Variants in PRELID2 observed in about 807,000 individuals in gnomAD.
PRELID2 encodes the protein PRELI domain containing 2.
In PRELID2, 25 loss-of-function variants were observed where a neutral mutation model predicts 28.4. That is an observed-to-expected ratio of 0.88 (90% CI 0.64 to 1.23). PRELID2 has a LOEUF of 1.23. Ranked by LOEUF, PRELID2 falls within the 50% of genes most tolerant of loss-of-function variation. The pLI is 0.00. For missense variants in PRELID2, 201 were observed against 214.4 expected (o/e 0.94, Z 0.39); for synonymous variants, 76 against 71.6 (o/e 1.06, Z -0.31).
the PRELID2 span, among the ~76,000 whole-genome samples, chr5:145,253,696 G>A: frequency 3.6e-4 from 54 of 151,892 alleles, no homozygotes; most frequent in Non-Finnish European, 1.5e-5. Context: ...CTGTTAGAGA[G>A]GTAGGCATAT....
chr5:145,293,503 A>C, the PRELID2 span, among the ~76,000 whole-genome samples: 1 of 152,182 alleles, frequency 6.6e-6, no homozygotes, highest in Non-Finnish European at 1.5e-5. Flanking sequence ...AGCTAATATA[A>C]GGCAGAATAG....
chr5:145,409,312 G>GA, the PRELID2 span, among the ~76,000 whole-genome samples: 11 of 151,748 alleles, frequency 7.2e-5, no homozygotes, highest in East Asian at 1.9e-4. Flanking sequence ...AACACAATGG[G>GA]AAAAAAACAA....
intron 5 of PRELID2, chr5:145,794,934 T>C (rs1752637061): frequency 6.6e-6 from 1 of 152,110 alleles, no homozygotes; most frequent in Non-Finnish European, 1.5e-5. Context: ...TGTATTTATA[T>C]GGCCTGCAAG....
At chr5:145,657,087 C>A (rs1439629702) in intron 1 of PRELID2, among the ~76,000 whole-genome samples, 1 of 151,934 alleles carries the variant, frequency 6.6e-6, no homozygotes, top group Non-Finnish European at 1.5e-5. Context: ...AGAAAGTATT[C>A]ATTTTTTATT....
At chr5:145,713,369 T>TATATATATATATATAC (rs1334656798) in intron 1 of PRELID2, among the ~76,000 whole-genome samples, 1 of 144,648 alleles carries the variant, frequency 6.9e-6, no homozygotes, top group African/African-American at 2.6e-5. Context: ...TATATATATA[T>TATATATATATATATAC]ACTTTACATT....
Position 145,515,854 on chromosome 5 carries a change from G to A in PRELID2, n.71-42539C>T, listed in dbSNP as rs143097563. On this transcript the variant is annotated intron_variant and non_coding_transcript_variant, in intron 1 of 2. Transcript: ENST00000510259. Reference sequence around the variant, plus strand: ...GTTCAGCATACCTAAAACAATAAACGTAATCCATCACATAAACAGAACCAA... The same window carrying A: ...GTTCAGCATACCTAAAACAATAAACATAATCCATCACATAAACAGAACCAA... Among the ~76,000 whole-genome samples, 478 of 152,164 alleles carry A rather than the reference G, an allele frequency of 3.1e-3. 1 individual carries two copies. Among genetic ancestry groups the A allele is most frequent in the African/African-American group, 9.7e-3 (401 of 41,504 alleles).
chr5:145,287,373 G>T, the PRELID2 span, among the ~76,000 whole-genome samples: 1 of 152,152 alleles, frequency 6.6e-6, no homozygotes, highest in East Asian at 1.9e-4. Flanking sequence ...ATGTCTTATT[G>T]TACTATTCTC....
At chr5:145,335,487 T>TA in the PRELID2 span, among the ~76,000 whole-genome samples, 11 of 152,286 alleles carry the variant, frequency 7.2e-5, no homozygotes, top group East Asian at 1.2e-3. Context: ...TGTCAATTAC[T>TA]AAAAAATTAT....
intron 1 of PRELID2, among the ~76,000 whole-genome samples, chr5:145,567,531 C>G (rs1026430398): frequency 1.3e-5 from 2 of 152,128 alleles, no homozygotes; most frequent in East Asian, 3.9e-4. Context: ...GCATGCACCA[C>G]CACATCTGGC....
the PRELID2 span, among the ~76,000 whole-genome samples, chr5:145,234,510 C>T: frequency 1.0e-3 from 153 of 152,026 alleles, no homozygotes; most frequent in African/African-American, 3.4e-3. Flanking sequence ...AAGCCCAGAG[C>T]GGTAAAAAAT....
At chr5:145,264,130 T>G in the PRELID2 span, among the ~76,000 whole-genome samples, 1 of 151,746 alleles carries the variant, frequency 6.6e-6, no homozygotes, top group African/African-American at 2.4e-5. Flanking sequence ...AAAGAGGGAA[T>G]CCTCCCCAAA....
At chr5:145,753,001 T>C (rs1757164452), downstream of PRELID2, among the ~76,000 whole-genome samples, 1 of 152,222 alleles carries the variant, frequency 6.6e-6, no homozygotes, top group Admixed American at 6.5e-5. Context: ...AGTTTTCAAA[T>C]GTAAGGAGAC....
chr5:145,655,049 A>C, intron 1 of PRELID2, among the ~76,000 whole-genome samples: 1 of 151,894 alleles, frequency 6.6e-6, no homozygotes, highest in East Asian at 1.9e-4. Context: ...ACTTCAGCAA[A>C]GTCTCAGGAT....
chr5:145,284,167 C>T, the PRELID2 span, among the ~76,000 whole-genome samples: 17 of 152,258 alleles, frequency 1.1e-4, no homozygotes, highest in African/African-American at 3.1e-4. Flanking sequence ...AGATAAAGTG[C>T]TTAGCACATT....
At position 145,567,343 on chromosome 5, in the gene PRELID2, ATGGTTTGGTT is replaced by A. The variant is rs70998025; in HGVS notation, n.71-94038_71-94029del. 4.0e-3 allele frequency among the ~76,000 whole-genome samples: 592 copies of A among 146,312 alleles called. 2 individuals are homozygous for A. The highest frequency in any genetic ancestry group is 7.0e-3 in the African/African-American group (275 of 39,268). The stretch of plus-strand genomic sequence containing the variant: ...TGACAGTGAGTTATCATGAGATCTG[ATGGTTTGGTT>A]TGGTTTGGTTTGGTTTGGTTTGGTT... On this transcript the variant is annotated intron_variant and non_coding_transcript_variant, in intron 1 of 2. Transcript: ENST00000510259.
the PRELID2 span, among the ~76,000 whole-genome samples, chr5:145,430,597 T>A: frequency 6.6e-6 from 1 of 152,188 alleles, no homozygotes; most frequent in Admixed American, 6.5e-5. Context: ...GGAAAGCACA[T>A]GGATACTTGT....
intron 4 of PRELID2, among the ~76,000 whole-genome samples, chr5:145,796,837 T>G (rs1342397350): frequency 6.6e-6 from 1 of 152,128 alleles, no homozygotes; most frequent in Non-Finnish European, 1.5e-5. Flanking sequence ...TTATTTAGAC[T>G]CTCTATAACT....
chr5:145,584,103 G>A (rs867183053), intron 1 of PRELID2, among the ~76,000 whole-genome samples: 6 of 151,912 alleles, frequency 3.9e-5, no homozygotes, highest in Admixed American at 6.6e-5. Context: ...ATAGACCAAC[G>A]GAACAGAATA....
chr5:145,798,019 T>G (rs748694656), intron 4 of PRELID2, among the ~76,000 whole-genome samples: 4 of 151,194 alleles, frequency 2.6e-5, no homozygotes, highest in Non-Finnish European at 4.4e-5. Context: ...AAAAAGAAAC[T>G]ATGAGAAAAA....
Sources: allele counts gnomAD v4.1 joint callset (sites outside exome capture counted in the v4.1 genomes callset), GRCh38; gene constraint gnomAD v4.1.1; transcripts MANE v1.5; gene names NCBI Gene and HGNC (gene_info 2026-07-23, HGNC 2026-07-21).